Variants in SORT1 observed in about 807,000 individuals in gnomAD.
The protein encoded by SORT1 is sortilin.
A neutral mutation model predicts 101.7 loss-of-function variants in SORT1; 39 were observed. The observed-to-expected ratio is 0.38, with a 90% CI of 0.30 to 0.50. The LOEUF (loss-of-function observed/expected upper bound fraction) is 0.50. SORT1 is among the 20% of genes least tolerant of loss of function. SORT1 has a pLI of 0.90. For missense variants in SORT1, 878 were observed against 1,040.4 expected (o/e 0.84, Z 2.15); for synonymous variants, 396 against 393.7 (o/e 1.01, Z -0.07).
chr1:109,349,570 A>G (rs1649826940), intron 6 of SORT1, among the ~76,000 whole-genome samples: 1 of 152,072 alleles, frequency 6.6e-6, no homozygotes, highest in African/African-American at 2.4e-5. Flanking sequence ...GTTTGAGACC[A>G]GCCTGGGCAA....
At chr1:109,329,078 G>A (rs1400726147) in intron 11 of SORT1, among the ~76,000 whole-genome samples, 4 of 152,188 alleles carry the variant, frequency 2.6e-5, no homozygotes, top group Non-Finnish European at 4.4e-5. Context: ...CCACCTACCT[G>A]CAGAACCTGT....
rs914605986 is a variant in SORT1 at position 109,310,589 on chromosome 1, C to A, written c.*3454G>T. ...AGCAAAGTTGAAAGCCGAATCCCTT[C>A]CTATTTTAGCACTTCCAAGTATCCT... On this transcript the variant is annotated 3_prime_UTR_variant, in exon 20 of 20. Coordinates refer to ENST00000256637, the MANE Select transcript of SORT1 (RefSeq NM_002959.7). 6.5e-6 allele frequency: 1 copy of A among 153,650 alleles called. No homozygotes were observed. Among genetic ancestry groups the A allele is most frequent in the Non-Finnish European group, 1.5e-5 (1 of 68,046 alleles). 9.5% of individuals were successfully genotyped at this position (153,650 alleles called of 1,614,324 possible).
At chr1:109,348,096 T>C (rs1649718677) in intron 6 of SORT1, among the ~76,000 whole-genome samples, 1 of 152,248 alleles carries the variant, frequency 6.6e-6, no homozygotes, top group African/African-American at 2.4e-5. Context: ...GCAGGTACTA[T>C]ACTTTGCTGT....
chr1:109,370,610 TAGAC>T (rs1651431483), intron 1 of SORT1, among the ~76,000 whole-genome samples: 1 of 152,212 alleles, frequency 6.6e-6, no homozygotes, highest in South Asian at 2.1e-4. Flanking sequence ...CCCCATTTCT[TAGAC>T]AGTTTAATAG....
At position 109,322,350 on chromosome 1, in the gene SORT1, T is replaced by C. The variant is rs569927672; in HGVS notation, c.2024+582A>G. Among the ~76,000 whole-genome samples, 29 of 152,298 alleles carry C rather than the reference T, an allele frequency of 1.9e-4. No homozygotes were observed. The South Asian group carries it at 5.6e-3, about 29-fold the overall frequency. ...GTTTGTTTTATTCTCTTCTTTCTTA[T>C]ATCACTCCTCTCCTTCACACCACTG... On this transcript the variant is annotated intron_variant, in intron 15 of 19. Coordinates refer to ENST00000256637, the MANE Select transcript of SORT1 (RefSeq NM_002959.7).
intron 1 of SORT1, among the ~76,000 whole-genome samples, chr1:109,380,297 AATG>A (rs1025800817): frequency 6.6e-6 from 1 of 152,288 alleles, no homozygotes; most frequent in African/African-American, 2.4e-5. Flanking sequence ...TGTGTCAAAA[AATG>A]ATACTAGAAG....
At chr1:109,340,504 T>C (rs778013039) in intron 10 of SORT1, among the ~76,000 whole-genome samples, 1 of 152,080 alleles carries the variant, frequency 6.6e-6, no homozygotes, top group Non-Finnish European at 1.5e-5. Context: ...ACATTGTGAC[T>C]GTGCTTAATG....
rs1344946182 is a variant in SORT1, at chr1:109,336,225, TTAGAG to T, written c.1371+10_1371+14del. 1 of 1,524,508 alleles carries T rather than the reference TTAGAG, an allele frequency of 6.6e-7. No individual in the cohort carries two copies. 94.4% of individuals were successfully genotyped at this position (1,524,508 alleles called of 1,614,324 possible). A position where few individuals can be genotyped will look rare whatever the true frequency, so the allele number is the denominator to read the frequency against. Reference sequence around the variant, plus strand: ...GAAAGGCTGCTGTGCTCTGCACACATTAGAGTAAACAAACCTCATTCTTGTTTTTT... The same window carrying T: ...GAAAGGCTGCTGTGCTCTGCACACATTAAACAAACCTCATTCTTGTTTTTT... On this transcript the variant is annotated intron_variant, in intron 11 of 19. Transcript: ENST00000256637.
chr1:109,314,712 C>T lies in SORT1; in HGVS notation c.2317G>A (p.Ala773Thr), dbSNP rs774754113. The change falls in exon 18 of 20, where the codon GCA (alanine) becomes ACA (threonine). Residue 773 changes from alanine (A) to threonine (T), a missense_variant. Ala to Thr is a moderately conservative substitution (Grantham distance 58). Coordinates refer to ENST00000256637, the MANE Select transcript of SORT1 (RefSeq NM_002959.7). ...TATTTCTTCACAATGAGCACTCCTGCTACGACTGTGACCAGCATCAATCCC... is the reference window on the plus strand; with the variant it reads ...TATTTCTTCACAATGAGCACTCCTGTTACGACTGTGACCAGCATCAATCCC... ...IVGLMLVTVV[A>T]GVLIVKKYVC... 1 of 1,610,914 alleles carries T rather than the reference C, an allele frequency of 6.2e-7. No individual in the cohort carries two copies. Among genetic ancestry groups the T allele is most frequent in the Non-Finnish European group, 8.5e-7 (1 of 1,177,186 alleles).
chr1:109,372,993 T>G (rs1651584687), intron 1 of SORT1, among the ~76,000 whole-genome samples: 2 of 151,430 alleles, frequency 1.3e-5, no homozygotes, highest in South Asian at 4.2e-4. Flanking sequence ...AGGCGGAGGC[T>G]GCAGTGAGGC....
intron 5 of SORT1, among the ~76,000 whole-genome samples, chr1:109,353,328 CAAA>C (rs1228771965): frequency 1.6e-5 from 1 of 61,046 alleles, no homozygotes. Flanking sequence ...AACTCTGTCT[CAAA>C]AAAAAAAAAA....
chr1:109,332,968 G>A (rs749780123), intron 11 of SORT1, among the ~76,000 whole-genome samples: 23 of 151,906 alleles, frequency 1.5e-4, no homozygotes, highest in Non-Finnish European at 2.2e-4. Flanking sequence ...TTGCTCTGTC[G>A]CCAGGCTGGA....
chr1:109,317,776 C>T (rs1232813742), intron 16 of SORT1, 77 bp downstream of exon 16: 2 of 988,008 alleles, frequency 2.0e-6, no homozygotes, highest in Non-Finnish European at 3.2e-6. Flanking sequence ...GCTTGGATCT[C>T]AGTGTGGAGA....
chr1:109,335,675 G>A (rs1043580507), intron 11 of SORT1, among the ~76,000 whole-genome samples: 2 of 150,604 alleles, frequency 1.3e-5, no homozygotes, highest in Non-Finnish European at 3.0e-5. Flanking sequence ...TTTTTTCCTT[G>A]CCTGCCAAGG....
At chr1:109,332,212 C>T (rs147091512) in intron 11 of SORT1, among the ~76,000 whole-genome samples, 2 of 152,234 alleles carry the variant, frequency 1.3e-5, no homozygotes, top group African/African-American at 4.8e-5. Context: ...CAACACAGAA[C>T]AATCCAAACA....
At chr1:109,340,146 C>CAAAAAAAAAAAAAAAAAAAAA (rs34790280) in intron 10 of SORT1, among the ~76,000 whole-genome samples, 2 of 96,294 alleles carry the variant, frequency 2.1e-5, no homozygotes, top group Non-Finnish European at 4.1e-5. Context: ...GATTCCATCT[C>CAAAAAAAAAAAAAAAAAAAAA]AAAAAAAAAA....
intron 6 of SORT1, among the ~76,000 whole-genome samples, chr1:109,348,394 C>CAA (rs112012882): frequency 1.9e-5 from 2 of 106,132 alleles, no homozygotes; most frequent in Non-Finnish European, 2.0e-5. Flanking sequence ...AGACACTAAA[C>CAA]AAAAAAAAAA....
At chr1:109,355,327 T>A (rs1650232917) in intron 4 of SORT1, 40 bp downstream of exon 4, 1 of 959,260 alleles carries the variant, frequency 1.0e-6, no homozygotes, top group Admixed American at 1.7e-5. Flanking sequence ...CTGCATGTGG[T>A]ATCAAGCACA....
intron 7 of SORT1, 89 bp from the exon 8 acceptor site, chr1:109,345,970 G>T: frequency 8.8e-7 from 1 of 1,137,562 alleles, no homozygotes; most frequent in Non-Finnish European, 1.3e-6. Context: ...TAATTTTATA[G>T]CTAAAGCATT....
Sources: gnomAD v4.1 joint callset for allele counts (sites outside exome capture counted in the v4.1 genomes callset) on GRCh38, gnomAD v4.1.1 for gene constraint, MANE v1.5 for transcripts, NCBI Gene and HGNC (gene_info 2026-07-23, HGNC 2026-07-21) for gene names.